PRR36: variants seen among roughly 807,000 people sequenced by gnomAD.
PRR36 encodes the protein proline rich 36.
Under a neutral mutation model 58.6 loss-of-function variants are expected in PRR36, and 30 were observed. The ratio of observed to expected loss-of-function variants is 0.51; its 90% CI spans 0.38 to 0.69. The LOEUF is 0.69. Among genes scored for constraint, PRR36 ranks in the 30% least tolerant of loss-of-function variants. The pLI is 0.00. For synonymous variants in PRR36, 771 were observed against 829.3 expected (o/e 0.93, Z 1.21); for missense variants, 1,692 against 1,805.6 (o/e 0.94, Z 1.14).
In PRR36 at chr19:7,873,632, G is replaced by A. The variant is rs1381163511; in HGVS notation, c.58C>T (p.Arg20Cys). Residue 20 changes from arginine to cysteine, a missense_variant, in exon 2 of 6, where the codon CGC (arginine) becomes TGC (cysteine). Physicochemically the swap from Arg to Cys is radical, Grantham distance 180 (BLOSUM62 -3). Coordinates refer to ENST00000618550, the MANE Select transcript of PRR36 (RefSeq NM_001190467.2). The surrounding 1 kb of genome is among the most constrained non-coding windows in gnomAD (Gnocchi z 5.0). ...AGAAARTPAARAPGLLTPRPP... is the reference protein window; with the variant it reads ...AGAAARTPAACAPGLLTPRPP... ...CTGGGGGTCAGAAGTCCAGGAGCGC[G>A]AGCAGCCGGCGTCCGCGCGGCGGCC... The A allele has an allele frequency of 6.5e-7, 1 of 1,535,234 alleles. No homozygotes were observed. The highest frequency in any genetic ancestry group is 1.2e-5 in the South Asian group (1 of 84,034).
rs1046916611 is a variant in PRR36, at chr19:7,872,443, C to T, written c.801G>A (p.Ala267=). The change falls in exon 5 of 6, where the codon GCG becomes GCA. Residue 267 remains alanine (A), a synonymous_variant. Coordinates refer to ENST00000618550, the MANE Select transcript of PRR36 (RefSeq NM_001190467.2). The surrounding 1 kb of genome is among the most constrained non-coding windows in gnomAD (Gnocchi z 6.1). ...CTTTCGGCTTGGGCTGCGAGGGATG[C>T]GCAGGAGCCCTGGGTGTTCCGCGGG... is the stretch of plus-strand genomic sequence containing the variant. ...PSARGTPRAP[A]HPSQPKPKGL... is the part of the protein sequence containing the mutation. 3 of 1,453,794 alleles carry T rather than the reference C, an allele frequency of 2.1e-6. No homozygotes were observed. Among genetic ancestry groups the T allele is most frequent in the Middle Eastern group, 1.8e-4 (1 of 5,590 alleles). The allele number at this position is 1,453,794 out of a possible 1,614,324, so 90.1% of individuals were successfully genotyped here.
At position 7,873,320 on chromosome 19, in the gene PRR36, C is replaced by T; in HGVS notation, c.272-21G>A. On this transcript the variant is annotated intron_variant, in intron 2 of 5. Transcript: ENST00000618550. The surrounding 1 kb of genome is among the most constrained non-coding windows in gnomAD (Gnocchi z 5.0). ...GGAGGCTGCGGGGAGAAGGCCGAGT[C>T]ACAGGTGCCCCGGAGAGGTGGCAGT... The T allele has an allele frequency of 1.3e-6, 2 of 1,527,122 alleles. No homozygotes were observed. The highest frequency in any genetic ancestry group is 1.8e-6 in the Non-Finnish European group (2 of 1,142,328). The allele number at this position is 1,527,122 out of a possible 1,614,324, so 94.6% of individuals were successfully genotyped here.
Position 7,871,287 on chromosome 19 carries a change from A to C in PRR36, c.1957T>G (p.Ser653Ala). The change falls in exon 5 of 6, where the codon TCA (serine) becomes GCA (alanine). Residue 653 changes from serine (S) to alanine (A), a missense_variant. By Grantham distance (99) the Ser-to-Ala change is moderately conservative. Around this residue, in one of 5 missense-constraint regions of PRR36, gnomAD observed 975 missense variants for 955.2 expected, o/e 1.02. Coordinates refer to ENST00000618550, the MANE Select transcript of PRR36 (RefSeq NM_001190467.2). Reference protein sequence around the residue: ...PSRPASTPPDSPPLQAPLSLP... With the variant: ...PSRPASTPPDAPPLQAPLSLP... The stretch of plus-strand genomic sequence containing the variant: ...GAAAGAGGGGCCTGCAGAGGGGGTG[A>C]ATCAGGGGGAGTAGAGGCCGGCCGA... The C allele has an allele frequency of 1.3e-6, 2 of 1,513,006 alleles. No individual in the cohort carries two copies. Among genetic ancestry groups the C allele is most frequent in the African/African-American group, 2.9e-5 (2 of 68,338 alleles). 93.7% of individuals were successfully genotyped at this position (1,513,006 alleles called of 1,614,324 possible).
At position 7,873,649 on chromosome 19, in the gene PRR36, G is replaced by C. The variant is rs766769711; in HGVS notation, c.41C>G (p.Ala14Gly). The C allele has an allele frequency of 6.5e-7, 1 of 1,535,242 alleles. No homozygotes were observed. Among genetic ancestry groups the C allele is most frequent in the Non-Finnish European group, 8.7e-7 (1 of 1,146,718 alleles). ...AGGAGCGCGAGCAGCCGGCGTCCGCGCGGCGGCCCCTGCCTTCGCCTTGTC... is the reference window on the plus strand; with the variant it reads ...AGGAGCGCGAGCAGCCGGCGTCCGCCCGGCGGCCCCTGCCTTCGCCTTGTC... The part of the protein sequence containing the change: ...KRDKAKAGAA[A>G]RTPAARAPGL... The change falls in exon 2 of 6, where the codon GCG becomes GGG. Residue 14 changes from alanine (A) to glycine (G), a missense_variant. Physicochemically the swap from Ala to Gly is moderately conservative, Grantham distance 60 (BLOSUM62 0). Around this residue, in one of 5 missense-constraint regions of PRR36, gnomAD observed 975 missense variants for 955.2 expected, o/e 1.02. Transcript: ENST00000618550. This position sits in a 1 kb window ranked among gnomAD's most constrained non-coding sequence, Gnocchi z 5.0.
Position 7,870,490 on chromosome 19 carries a change from T to TG in PRR36, c.2753dup (p.Pro919ThrfsTer87). Reference sequence around the variant, plus strand: ...GCAGAGGAGGTGCGGCTAGAGAGGGTGGGGCCTGTGAAGGGGGCGTGGCCG... The same window carrying TG: ...GCAGAGGAGGTGCGGCTAGAGAGGGTGGGGGCCTGTGAAGGGGGCGTGGCCG... On this transcript the variant is annotated frameshift_variant, in exon 5 of 6. Transcript: ENST00000618550. LOFTEE classifies it high-confidence loss of function. 2 of 864,782 alleles carry TG rather than the reference T, an allele frequency of 2.3e-6. No individual in the cohort carries two copies. The highest frequency in any genetic ancestry group is 2.7e-6 in the Non-Finnish European group (2 of 739,484). 53.6% of individuals were successfully genotyped at this position (864,782 alleles called of 1,614,324 possible). A position where few individuals can be genotyped will look rare whatever the true frequency, so the allele number is the denominator to read the frequency against.
chr19:7,871,119 G>C lies in PRR36; in HGVS notation c.2125C>G (p.Pro709Ala). The change falls in exon 5 of 6, where the codon CCC becomes GCC. Residue 709 changes from proline to alanine, a missense_variant. Transcript: ENST00000618550. ...AGGGAAGATTGGGTCTCCAGAGGGG[G>C]CATGATCAGGGAAGAGAGAGGTGCC... ...PQAPLSSLIM[P>A]PLETQSSLAP... is the part of the protein sequence containing the mutation. 1 of 1,535,232 alleles carries C rather than the reference G, an allele frequency of 6.5e-7. No homozygotes were observed. The highest frequency in any genetic ancestry group is 8.7e-7 in the Non-Finnish European group (1 of 1,146,490).
In PRR36 at chr19:7,873,725, G is replaced by A. The variant is rs1159870291; in HGVS notation, c.-7-29C>T. ...AAGAGACAAACCGGTCCGCATCCCA[G>A]GTTCTGGACAGCTACGCCGCCTCCA... On this transcript the variant is annotated intron_variant, in intron 1 of 5. Coordinates refer to ENST00000618550, the MANE Select transcript of PRR36 (RefSeq NM_001190467.2). The surrounding 1 kb of genome is among the most constrained non-coding windows in gnomAD (Gnocchi z 5.0). 1 of 1,523,682 alleles carries A rather than the reference G, an allele frequency of 6.6e-7. No homozygotes were observed. Among genetic ancestry groups the A allele is most frequent in the South Asian group, 1.2e-5 (1 of 83,208 alleles). 94.4% of individuals were successfully genotyped at this position (1,523,682 alleles called of 1,614,324 possible). A position where few individuals can be genotyped will look rare whatever the true frequency, so the allele number is the denominator to read the frequency against.
In PRR36 at chr19:7,872,878, C is replaced by T. The variant is rs570323258; in HGVS notation, c.458G>A (p.Arg153Lys). The T allele has an allele frequency of 1.8e-4, 279 of 1,536,082 alleles. 1 individual carries two copies. The African/African-American group carries it at 3.6e-3, about 20-fold the overall frequency. The change falls in exon 4 of 6, where the codon AGG becomes AAG. Residue 153 changes from arginine to lysine, a missense_variant. Physicochemically the swap from Arg to Lys is conservative, Grantham distance 26. This residue lies in a region of PRR36 where 975 missense variants were observed against 955.2 expected (regional missense o/e 1.02). Coordinates refer to ENST00000618550, the MANE Select transcript of PRR36 (RefSeq NM_001190467.2). The surrounding 1 kb of genome is among the most constrained non-coding windows in gnomAD (Gnocchi z 6.1). ...CCGTGCCCCAGCGCTGAGGGCACTC[C>T]TTTTGGGAGCCTCTGTAGCTTTTCC... ...ARGKATEAPK[R>K]SALSAGARRD...
At position 7,872,423 on chromosome 19, in the gene PRR36, G is replaced by C; in HGVS notation, c.821C>G (p.Pro274Arg). 1 of 1,452,146 alleles carries C rather than the reference G, an allele frequency of 6.9e-7. No homozygotes were observed. The highest frequency in any genetic ancestry group is 9.0e-7 in the Non-Finnish European group (1 of 1,108,434). 90.0% of individuals were successfully genotyped at this position (1,452,146 alleles called of 1,614,324 possible). A position where few individuals can be genotyped will look rare whatever the true frequency, so the allele number is the denominator to read the frequency against. Residue 274 changes from proline (P) to arginine (R), a missense_variant, in exon 5 of 6, where the codon CCG (proline) becomes CGG (arginine). By Grantham distance (103) the Pro-to-Arg change is moderately radical. Coordinates refer to ENST00000618550, the MANE Select transcript of PRR36 (RefSeq NM_001190467.2). The surrounding 1 kb of genome is among the most constrained non-coding windows in gnomAD (Gnocchi z 6.1). ...GGGTCGCAGAGCCTGCAGTCCTTTCGGCTTGGGCTGCGAGGGATGCGCAGG... is the reference window on the plus strand; with the variant it reads ...GGGTCGCAGAGCCTGCAGTCCTTTCCGCTTGGGCTGCGAGGGATGCGCAGG... ...RAPAHPSQPK[P>R]KGLQALRPPQ...
chr19:7,873,308 A>G lies in PRR36; in HGVS notation c.272-9T>C. On this transcript the variant is annotated splice_polypyrimidine_tract_variant and intron_variant, in intron 2 of 5. Transcript: ENST00000618550. This position sits in a 1 kb window ranked among gnomAD's most constrained non-coding sequence, Gnocchi z 5.0. Reference sequence around the variant, plus strand: ...GGCTGGGGGCCTGGAGGCTGCGGGGAGAAGGCCGAGTCACAGGTGCCCCGG... The same window carrying G: ...GGCTGGGGGCCTGGAGGCTGCGGGGGGAAGGCCGAGTCACAGGTGCCCCGG... 23 of 1,528,204 alleles carry G rather than the reference A, an allele frequency of 1.5e-5. No homozygotes were observed. The highest frequency in any genetic ancestry group is 1.8e-5 in the Non-Finnish European group (21 of 1,143,328). 94.7% of individuals were successfully genotyped at this position (1,528,204 alleles called of 1,614,324 possible). A position where few individuals can be genotyped will look rare whatever the true frequency, so the allele number is the denominator to read the frequency against.
At position 7,872,649 on chromosome 19, in the gene PRR36, G is replaced by C. The variant is rs768711401; in HGVS notation, c.595C>G (p.Arg199Gly). The C allele has an allele frequency of 8.1e-6, 12 of 1,474,802 alleles. No individual in the cohort carries two copies. The highest frequency in any genetic ancestry group is 9.8e-6 in the Non-Finnish European group (11 of 1,117,404). The allele number at this position is 1,474,802 out of a possible 1,614,324, so 91.4% of individuals were successfully genotyped here. Reference sequence around the variant, plus strand: ...TTCCGGGGGCCCTCTGTCGGGGGCCGTGGCCGGGCACTCGGAGCTGGCCGG... The same window carrying C: ...TTCCGGGGGCCCTCTGTCGGGGGCCCTGGCCGGGCACTCGGAGCTGGCCGG... ...LPRPAPSARP[R>G]PPTEGPRKSV... The change falls in exon 5 of 6, where the codon CGG becomes GGG. Residue 199 changes from arginine to glycine, a missense_variant. Physicochemically the swap from Arg to Gly is moderately radical, Grantham distance 125. Coordinates refer to ENST00000618550, the MANE Select transcript of PRR36 (RefSeq NM_001190467.2). This position sits in a 1 kb window ranked among gnomAD's most constrained non-coding sequence, Gnocchi z 6.1.
In PRR36 at chr19:7,872,790, T is replaced by C; in HGVS notation, c.488-34A>G. ...AAAGTAGAAGGCCAAGGGTCACCGA[T>C]ACCTCTGAGGCGGCTCCCCTTGCTG... is the stretch of plus-strand genomic sequence containing the variant. On this transcript the variant is annotated intron_variant, in intron 4 of 5. Transcript: ENST00000618550. The surrounding 1 kb of genome is among the most constrained non-coding windows in gnomAD (Gnocchi z 6.1). 7.3e-6 allele frequency: 11 copies of C among 1,517,236 alleles called. No individual in the cohort carries two copies. The highest frequency in any genetic ancestry group is 9.7e-6 in the Non-Finnish European group (11 of 1,137,644). The allele number at this position is 1,517,236 out of a possible 1,614,324, so 94.0% of individuals were successfully genotyped here. A position where few individuals can be genotyped will look rare whatever the true frequency, so the allele number is the denominator to read the frequency against.
In PRR36 at chr19:7,872,652, G is replaced by A; in HGVS notation, c.592C>T (p.Pro198Ser). The A allele has an allele frequency of 1.4e-6, 2 of 1,474,172 alleles. No individual in the cohort carries two copies. The highest frequency in any genetic ancestry group is 1.8e-4 in the Middle Eastern group (1 of 5,478). 91.3% of individuals were successfully genotyped at this position (1,474,172 alleles called of 1,614,324 possible). A position where few individuals can be genotyped will look rare whatever the true frequency, so the allele number is the denominator to read the frequency against. The change falls in exon 5 of 6, where the codon CCA becomes TCA. Residue 198 changes from proline to serine, a missense_variant. Physicochemically the swap from Pro to Ser is moderately conservative, Grantham distance 74. Coordinates refer to ENST00000618550, the MANE Select transcript of PRR36 (RefSeq NM_001190467.2). The surrounding 1 kb of genome is among the most constrained non-coding windows in gnomAD (Gnocchi z 6.1). ...CGGGGGCCCTCTGTCGGGGGCCGTGGCCGGGCACTCGGAGCTGGCCGGGGG... is the reference window on the plus strand; with the variant it reads ...CGGGGGCCCTCTGTCGGGGGCCGTGACCGGGCACTCGGAGCTGGCCGGGGG... The part of the protein sequence containing the change: ...GLPRPAPSAR[P>S]RPPTEGPRKS...
At position 7,871,346 on chromosome 19, in the gene PRR36, G is replaced by C; in HGVS notation, c.1898C>G (p.Pro633Arg). The C allele has an allele frequency of 6.5e-7, 1 of 1,531,198 alleles. No individual in the cohort carries two copies. The highest frequency in any genetic ancestry group is 8.7e-7 in the Non-Finnish European group (1 of 1,143,734). The allele number at this position is 1,531,198 out of a possible 1,614,324, so 94.9% of individuals were successfully genotyped here. The stretch of plus-strand genomic sequence containing the variant: ...GATCAAAGAAGCTTGGGTTTGCCTA[G>C]GGGACATTGTCAGGAAAGAATGTGT... ...QATHSFLTMS[P>R]RQTQASLISP... Residue 633 changes from proline (P) to arginine (R), a missense_variant, in exon 5 of 6, where the codon CCT becomes CGT. By Grantham distance (103) the Pro-to-Arg change is moderately radical. This residue lies in a region of PRR36 where 975 missense variants were observed against 955.2 expected (regional missense o/e 1.02). Coordinates refer to ENST00000618550, the MANE Select transcript of PRR36 (RefSeq NM_001190467.2).
Position 7,873,121 on chromosome 19 carries a change from T to C in PRR36, c.374+76A>G. The C allele has an allele frequency of 1.4e-6, 2 of 1,448,324 alleles. No homozygotes were observed. Among genetic ancestry groups the C allele is most frequent in the African/African-American group, 1.4e-5 (1 of 71,120 alleles). 89.7% of individuals were successfully genotyped at this position (1,448,324 alleles called of 1,614,324 possible). A position where few individuals can be genotyped will look rare whatever the true frequency, so the allele number is the denominator to read the frequency against. On this transcript the variant is annotated intron_variant, in intron 3 of 5. Coordinates refer to ENST00000618550, the MANE Select transcript of PRR36 (RefSeq NM_001190467.2). This position sits in a 1 kb window ranked among gnomAD's most constrained non-coding sequence, Gnocchi z 5.0. ...CCTGCAAGTGCTCCCGCGCCCCAAC[T>C]CGTGTAAAATAAAAGGTTCCAGACT... is the stretch of plus-strand genomic sequence containing the variant.
At position 7,870,025 on chromosome 19, in the gene PRR36, G is replaced by A; in HGVS notation, c.3219C>T (p.Thr1073=). The change falls in exon 5 of 6, where the codon ACC becomes ACT. Residue 1073 remains threonine (T), a synonymous_variant. Transcript: ENST00000618550. ...TCGGGGGGCGGCGTGGGGCCTGCAG[G>A]GTGGGTGAGGCAGGGGGAGAGGGAG... The part of the protein sequence containing the change: ...QVPPSPPASP[T]LQAPRRPPTP... 1 of 1,443,702 alleles carries A rather than the reference G, an allele frequency of 6.9e-7. No individual in the cohort carries two copies. Among genetic ancestry groups the A allele is most frequent in the Non-Finnish European group, 9.1e-7 (1 of 1,104,432 alleles). The allele number at this position is 1,443,702 out of a possible 1,614,324, so 89.4% of individuals were successfully genotyped here.
Position 7,870,562 on chromosome 19 carries a change from TG to T in PRR36, c.2681del (p.Pro894GlnfsTer28). On this transcript the variant is annotated frameshift_variant, in exon 5 of 6. Coordinates refer to ENST00000618550, the MANE Select transcript of PRR36 (RefSeq NM_001190467.2). LOFTEE classifies it high-confidence loss of function. ...CAGGGGGAGAGAAAGGGGCCTGCACTGGGGGTGAGGGAGGGGGAGAGAAAGG... is the reference window on the plus strand; with the variant it reads ...CAGGGGGAGAGAAAGGGGCCTGCACTGGGGTGAGGGAGGGGGAGAGAAAGG... The part of the protein sequence containing the change: ...QAPFSPPPSP[P>X]VQAPFSPPAS... 7 of 331,070 alleles carry T rather than the reference TG, an allele frequency of 2.1e-5. No homozygotes were observed. The highest frequency in any genetic ancestry group is 2.4e-5 in the Non-Finnish European group (7 of 290,492). 20.5% of individuals were successfully genotyped at this position (331,070 alleles called of 1,614,324 possible).
At position 7,869,848 on chromosome 19, in the gene PRR36, C is replaced by T; in HGVS notation, c.3396G>A (p.Glu1132=). 1 of 1,348,962 alleles carries T rather than the reference C, an allele frequency of 7.4e-7. No individual in the cohort carries two copies. Among genetic ancestry groups the T allele is most frequent in the Non-Finnish European group, 9.5e-7 (1 of 1,057,198 alleles). The allele number at this position is 1,348,962 out of a possible 1,614,324, so 83.6% of individuals were successfully genotyped here. A position where few individuals can be genotyped will look rare whatever the true frequency, so the allele number is the denominator to read the frequency against. Residue 1132 remains glutamate (E), a synonymous_variant, in exon 5 of 6, where the codon GAG becomes GAA. Transcript: ENST00000618550. ...HSSSATSTPE[E]LRGYDSGPEG... ...CGGGCCCGCTGTCGTAGCCACGCAG[C>T]TCCTCTGGCGTGCTCGTGGCGCTGC...
rs916593633 is a variant in PRR36 at position 7,872,375 on chromosome 19, T to G, written c.869A>C (p.Lys290Thr). 3.4e-6 allele frequency: 5 copies of G among 1,449,506 alleles called. No homozygotes were observed. The African/African-American group carries it at 7.1e-5, about 21-fold the overall frequency. The allele number at this position is 1,449,506 out of a possible 1,614,324, so 89.8% of individuals were successfully genotyped here. The stretch of plus-strand genomic sequence containing the variant: ...CGGTCCTAGTGCTGGGGCTGCGTCC[T>G]TCCTTGGGGGTGTGACCTGAGGGGG... ...LRPPQVTPPRKDAAPALGPLS... is the reference protein window; with the variant it reads ...LRPPQVTPPRTDAAPALGPLS... Residue 290 changes from lysine (K) to threonine (T), a missense_variant, in exon 5 of 6, where the codon AAG (lysine) becomes ACG (threonine). Coordinates refer to ENST00000618550, the MANE Select transcript of PRR36 (RefSeq NM_001190467.2). The surrounding 1 kb of genome is among the most constrained non-coding windows in gnomAD (Gnocchi z 6.1).
Sources: gnomAD v4.1 joint callset for allele counts on GRCh38, gnomAD v4.1.1 for gene constraint, gnomAD v4.1.1 regional missense constraint, Gnocchi (gnomAD v3.1) non-coding constraint, MANE v1.5 for transcripts, NCBI Gene and HGNC (gene_info 2026-07-23, HGNC 2026-07-21) for gene names.